The following GSPT1 variants were observed in gnomAD, a reference collection of about 807,000 sequenced individuals.
The protein encoded by GSPT1 is eukaryotic peptide chain release factor GTP-binding subunit ERF3A.
GSPT1 carries 20 observed loss-of-function variants against 72.5 expected under a neutral mutation model. The observed-to-expected ratio is 0.28, with a 90% CI of 0.19 to 0.40. The LOEUF is 0.40. Ranked by LOEUF, GSPT1 falls within the 10% of genes least tolerant of loss-of-function variation. The pLI is 1.00. For synonymous variants in GSPT1, 334 were observed against 293.5 expected, an observed-to-expected ratio of 1.14 and a Z score of -1.41; for missense variants, 580 against 811.9, an observed-to-expected ratio of 0.71 and a Z score of 3.47.
intron 1 of GSPT1, among the ~76,000 whole-genome samples, chr16:11,906,558 C>A (rs1218922074): frequency 1.3e-5 from 2 of 152,086 alleles, no homozygotes; most frequent in Non-Finnish European, 2.9e-5. Context: ...CACTTAAGCC[C>A]AGGAGGTTGA....
intron 1 of GSPT1, among the ~76,000 whole-genome samples, chr16:11,906,339 G>A (rs1370187568): frequency 6.6e-6 from 1 of 152,136 alleles, no homozygotes; most frequent in African/African-American, 2.4e-5. Context: ...ACTACACTCA[G>A]GAGATGTTGG....
chr16:11,879,736 C>T (rs1172653419), intron 11 of GSPT1, among the ~76,000 whole-genome samples: 1 of 120,670 alleles, frequency 8.3e-6, no homozygotes, highest in Non-Finnish European at 1.6e-5. Flanking sequence ...GAGACTCCGT[C>T]TCAAAAAAAA....
At chr16:11,901,653 A>G (rs1246863337) in intron 1 of GSPT1, among the ~76,000 whole-genome samples, 2 of 151,646 alleles carry the variant, frequency 1.3e-5, no homozygotes, top group Non-Finnish European at 2.9e-5. Context: ...TAGGCTAGAC[A>G]TGGTGGCTCA....
At position 11,886,920 on chromosome 16, in the gene GSPT1, G is replaced by C. The variant is rs1361217018; in HGVS notation, c.969C>G (p.Ala323=). ...ATCCAGTTTCAAACTCTCCTTTCCTGGCTGAGATTACCTAATTCCAAGAAA... is the reference window on the plus strand; with the variant it reads ...ATCCAGTTTCAAACTCTCCTTTCCTCGCTGAGATTACCTAATTCCAAGAAA... ...QADLAVLVIS[A]RKGEFETGFE... Residue 323 remains alanine (A), a synonymous_variant, in exon 8 of 15, where the codon GCC becomes GCG. Coordinates refer to ENST00000434724, the MANE Select transcript of GSPT1 (RefSeq NM_002094.4). 6.2e-7 allele frequency: 1 copy of C among 1,613,108 alleles called. No homozygotes were observed. The highest frequency in any genetic ancestry group is 8.5e-7 in the Non-Finnish European group (1 of 1,179,678).
At position 11,898,056 on chromosome 16, in the gene GSPT1, C is replaced by G. The variant is rs1228810191; in HGVS notation, c.353-21G>C. On this transcript the variant is annotated intron_variant, in intron 1 of 14. Coordinates refer to ENST00000434724, the MANE Select transcript of GSPT1 (RefSeq NM_002094.4). The stretch of plus-strand genomic sequence containing the variant: ...AGGTGCTGTTTAACAGAAAGAAGTT[C>G]TATTAAAAATTGATACTTATCCATC... The G allele has an allele frequency of 6.7e-6, 10 of 1,500,798 alleles. No homozygotes were observed. The Admixed American group carries it at 2.0e-4, about 30-fold the overall frequency. The allele number at this position is 1,500,798 out of a possible 1,614,324, so 93.0% of individuals were successfully genotyped here.
chr16:11,889,529 T>C (rs933772083), intron 6 of GSPT1, among the ~76,000 whole-genome samples: 11 of 149,532 alleles, frequency 7.4e-5, no homozygotes, highest in African/African-American at 2.7e-4. Context: ...TTTTTTGAGA[T>C]GGAGTTTAGC....
intron 11 of GSPT1, among the ~76,000 whole-genome samples, chr16:11,879,027 G>A (rs903347226): frequency 2.7e-5 from 4 of 150,784 alleles, no homozygotes; most frequent in African/African-American, 9.8e-5. Flanking sequence ...AGTGAGCCGA[G>A]ATCGTGCCAC....
rs557783800 is a variant in GSPT1, at chr16:11,870,344, T to G, written c.*2775A>C. The G allele has an allele frequency of 6.6e-6, 1 of 152,348 alleles. No individual in the cohort carries two copies. Among genetic ancestry groups the G allele is most frequent in the African/African-American group, 2.4e-5 (1 of 41,586 alleles). The allele number at this position is 152,348 out of a possible 1,614,324, so 9.4% of individuals were successfully genotyped here. The stretch of plus-strand genomic sequence containing the variant: ...CTTAGATGTTTATTTCAATATTTCT[T>G]AAATTCACTTTATTAATTTAAAAAA... On this transcript the variant is annotated 3_prime_UTR_variant, in exon 15 of 15. Coordinates refer to ENST00000434724, the MANE Select transcript of GSPT1 (RefSeq NM_002094.4).
chr16:11,872,363 T>A lies in GSPT1; in HGVS notation c.*756A>T, dbSNP rs952930195. 1 of 149,892 alleles carries A rather than the reference T, an allele frequency of 6.7e-6. No homozygotes were observed. The highest frequency in any genetic ancestry group is 2.5e-5 in the African/African-American group (1 of 40,248). 9.3% of individuals were successfully genotyped at this position (149,892 alleles called of 1,614,324 possible). A position where few individuals can be genotyped will look rare whatever the true frequency, so the allele number is the denominator to read the frequency against. On this transcript the variant is annotated 3_prime_UTR_variant, in exon 15 of 15. Coordinates refer to ENST00000434724, the MANE Select transcript of GSPT1 (RefSeq NM_002094.4). ...ACAACTTACTGTGTTCAAGAAATCA[T>A]GTTACAATATAAATTGGCAAAAAAA... is the stretch of plus-strand genomic sequence containing the variant.
At chr16:11,908,018 G>C (rs2054509483) in intron 1 of GSPT1, among the ~76,000 whole-genome samples, 1 of 152,194 alleles carries the variant, frequency 6.6e-6, no homozygotes, top group Non-Finnish European at 1.5e-5. Context: ...GAAGTGGGCA[G>C]ATCACTTGAG....
intron 9 of GSPT1, 27 bp downstream of exon 9, chr16:11,886,444 T>C (rs773353084): frequency 3.2e-6 from 5 of 1,555,972 alleles, no homozygotes; most frequent in East Asian, 4.5e-5. Context: ...TTTTCCTTTT[T>C]AAAAAAAGGA....
In GSPT1 at chr16:11,870,510, A is replaced by C. The variant is rs901550892; in HGVS notation, c.*2609T>G. 1 of 152,216 alleles carries C rather than the reference A, an allele frequency of 6.6e-6. No homozygotes were observed. Among genetic ancestry groups the C allele is most frequent in the Non-Finnish European group, 1.5e-5 (1 of 68,032 alleles). The allele number at this position is 152,216 out of a possible 1,614,324, so 9.4% of individuals were successfully genotyped here. ...ATGCAGCCAACTACCCTATTTTTGC[A>C]CTGTTGACCATATAAGCACGTTTGC... On this transcript the variant is annotated 3_prime_UTR_variant, in exon 15 of 15. Coordinates refer to ENST00000434724, the MANE Select transcript of GSPT1 (RefSeq NM_002094.4).
chr16:11,880,540 C>T (rs987586816), intron 11 of GSPT1, among the ~76,000 whole-genome samples: 3 of 152,072 alleles, frequency 2.0e-5, no homozygotes, highest in African/African-American at 7.2e-5. Flanking sequence ...AGTGAGAGAC[C>T]CAGCCTGGTC....
chr16:11,915,731 G>C lies in GSPT1; in HGVS notation c.-11C>G. 2 of 1,524,918 alleles carry C rather than the reference G, an allele frequency of 1.3e-6. No homozygotes were observed. The highest frequency in any genetic ancestry group is 1.7e-6 in the Non-Finnish European group (2 of 1,142,972). The allele number at this position is 1,524,918 out of a possible 1,614,324, so 94.5% of individuals were successfully genotyped here. On this transcript the variant is annotated 5_prime_UTR_variant, in exon 1 of 15. Coordinates refer to ENST00000434724, the MANE Select transcript of GSPT1 (RefSeq NM_002094.4). The stretch of plus-strand genomic sequence containing the variant: ...ACTGCCCGGATCCATGATCGGGGGG[G>C]CCGTGTGTGTGGTGGACAGAGAGCG...
At position 11,871,944 on chromosome 16, in the gene GSPT1, C is replaced by G. The variant is rs2053984048; in HGVS notation, c.*1175G>C. On this transcript the variant is annotated 3_prime_UTR_variant, in exon 15 of 15. Coordinates refer to ENST00000434724, the MANE Select transcript of GSPT1 (RefSeq NM_002094.4). Reference sequence around the variant, plus strand: ...ACACTTAAGAAAACTCAGTCAATTTCAAATAATTGAGATAAAACTTATACC... The same window carrying G: ...ACACTTAAGAAAACTCAGTCAATTTGAAATAATTGAGATAAAACTTATACC... 6.6e-6 allele frequency: 1 copy of G among 152,152 alleles called. No homozygotes were observed. The highest frequency in any genetic ancestry group is 1.5e-5 in the Non-Finnish European group (1 of 68,026). The allele number at this position is 152,152 out of a possible 1,614,324, so 9.4% of individuals were successfully genotyped here. A position where few individuals can be genotyped will look rare whatever the true frequency, so the allele number is the denominator to read the frequency against.
intron 11 of GSPT1, among the ~76,000 whole-genome samples, chr16:11,879,785 C>T (rs569429721): frequency 6.6e-6 from 1 of 151,492 alleles, no homozygotes; most frequent in South Asian, 2.1e-4. Flanking sequence ...CAATCTGTAT[C>T]TCAGAACAGT....
At chr16:11,898,291 T>C (rs552048737) in intron 1 of GSPT1, among the ~76,000 whole-genome samples, 20 of 152,288 alleles carry the variant, frequency 1.3e-4, no homozygotes, top group African/African-American at 4.6e-4. Flanking sequence ...GCTTATTCTT[T>C]TGATTTGCTT....
chr16:11,911,854 A>ATTTTTTGTTTTTTTTTTTTTT (rs2054562255), intron 1 of GSPT1, among the ~76,000 whole-genome samples: 1 of 45,384 alleles, frequency 2.2e-5, no homozygotes. Context: ...ACCCAGCTGT[A>ATTTTTTGTTTTTTTTTTTTTT]TTTTTTTTTT....
At chr16:11,885,360 A>G in intron 9 of GSPT1, 86 bp from the exon 10 acceptor site, 1 of 694,602 alleles carries the variant, frequency 1.4e-6, no homozygotes, top group Non-Finnish European at 2.6e-6. Context: ...GCTTCTAATA[A>G]TATTTTCATT....
Sources: allele counts gnomAD v4.1 joint callset (sites outside exome capture counted in the v4.1 genomes callset), GRCh38; gene constraint gnomAD v4.1.1; transcripts MANE v1.5; gene names NCBI Gene and HGNC (gene_info 2026-07-23, HGNC 2026-07-21).